RNF146: variants seen among roughly 807,000 people sequenced by gnomAD.
RNF146 encodes the protein ring finger protein 146, also known as E3 ubiquitin-protein ligase RNF146.
In RNF146, 11 loss-of-function variants were observed where a neutral mutation model predicts 29.7. The observed-to-expected ratio is 0.37, with a 90% CI of 0.23 to 0.61. RNF146 has a LOEUF of 0.61. Among genes scored for constraint, RNF146 ranks in the 20% least tolerant of loss-of-function variants. RNF146 has a pLI of 0.66. For missense variants in RNF146, 342 were observed against 438.9 expected (o/e 0.78, Z 1.97); for synonymous variants, 150 against 159.7 (o/e 0.94, Z 0.46).
Position 127,278,677 on chromosome 6 carries a change from A to G in RNF146, c.-108-1554A>G, listed in dbSNP as rs117868030. On this transcript the variant is annotated intron_variant, in intron 1 of 2. Coordinates refer to ENST00000368314, the MANE Select transcript of RNF146 (RefSeq NM_001242850.2). ...TGAGAACCTCTTCAATTCTATTGCT[A>G]TATCCCTGGGAGTGGCATTGCTGTG... is the stretch of plus-strand genomic sequence containing the variant. Among the ~76,000 whole-genome samples, 63 of 152,136 alleles carry G rather than the reference A, an allele frequency of 4.1e-4. No homozygotes were observed. In the East Asian group the frequency reaches 0.011, roughly 27 times the overall value.
intron 1 of RNF146, among the ~76,000 whole-genome samples, chr6:127,278,225 G>A (rs751346942): frequency 6.6e-6 from 1 of 152,034 alleles, no homozygotes; most frequent in Admixed American, 6.6e-5. Flanking sequence ...TAATGACTGA[G>A]ATGGTACAGG....
chr6:127,281,128 G>A (rs927884832), intron 2 of RNF146, among the ~76,000 whole-genome samples: 5 of 151,334 alleles, frequency 3.3e-5, no homozygotes, highest in Admixed American at 1.3e-4. Context: ...TACTCTTCCA[G>A]TATGATACTG....
intron 1 of RNF146, among the ~76,000 whole-genome samples, chr6:127,270,762 G>T (rs996229115): frequency 6.6e-6 from 1 of 151,662 alleles, no homozygotes; most frequent in Non-Finnish European, 1.5e-5. Context: ...AAAAGATGAA[G>T]GCCTTTATGA....
intron 1 of RNF146, among the ~76,000 whole-genome samples, chr6:127,279,054 A>G (rs1301325721): frequency 6.6e-6 from 1 of 151,924 alleles, no homozygotes; most frequent in Non-Finnish European, 1.5e-5. Context: ...TGATTTGCCA[A>G]GATACTCTCC....
At chr6:127,270,576 T>G (rs1468347047) in intron 1 of RNF146, among the ~76,000 whole-genome samples, 4 of 152,188 alleles carry the variant, frequency 2.6e-5, no homozygotes, top group African/African-American at 7.2e-5. Flanking sequence ...TCTGAGGGCT[T>G]CTTCACATGA....
chr6:127,281,583 A>C (rs1778918352), intron 2 of RNF146, among the ~76,000 whole-genome samples: 1 of 151,738 alleles, frequency 6.6e-6, no homozygotes, highest in Admixed American at 6.6e-5. Context: ...CAAGGGAATG[A>C]GGAGGGAAAC....
At position 127,287,310 on chromosome 6, in the gene RNF146, G is replaced by C. The variant is rs1286985798; in HGVS notation, c.697G>C (p.Ala233Pro). ...AGTAGATGGTCAGTTAACAAGCCCTGCAACACCATCCCCTGATGCAAGCAC... is the reference window on the plus strand; with the variant it reads ...AGTAGATGGTCAGTTAACAAGCCCTCCAACACCATCCCCTGATGCAAGCAC... ...TSVDGQLTSP[A>P]TPSPDASTSL... The change falls in exon 3 of 3, where the codon GCA becomes CCA. Residue 233 changes from alanine (A) to proline (P), a missense_variant. Ala to Pro is a conservative substitution (Grantham distance 27). Around this residue, in one of 6 missense-constraint regions of RNF146, gnomAD observed 196 missense variants for 208.9 expected, o/e 0.94. Coordinates refer to ENST00000368314, the MANE Select transcript of RNF146 (RefSeq NM_001242850.2). 1 of 1,613,402 alleles carries C rather than the reference G, an allele frequency of 6.2e-7. No individual in the cohort carries two copies. The highest frequency in any genetic ancestry group is 8.5e-7 in the Non-Finnish European group (1 of 1,179,626).
intron 1 of RNF146, among the ~76,000 whole-genome samples, chr6:127,275,684 C>T (rs1778110473): frequency 6.6e-6 from 1 of 152,012 alleles, no homozygotes; most frequent in African/African-American, 2.4e-5. Flanking sequence ...AGTTAACTTT[C>T]TGGAGGTAGT....
chr6:127,286,031 T>C lies in RNF146; in HGVS notation c.3-585T>C. ...AGATACATCCAATTTGACAAATCTT[T>C]TTTCTTCTTCCTCTTCAGGGGATCT... On this transcript the variant is annotated intron_variant, in intron 2 of 2. Transcript: ENST00000368314. This position sits in a 1 kb window ranked among gnomAD's most constrained non-coding sequence, Gnocchi z 4.6. 1 of 1,227,284 alleles carries C rather than the reference T, an allele frequency of 8.1e-7. No homozygotes were observed. Among genetic ancestry groups the C allele is most frequent in the Non-Finnish European group, 1.0e-6 (1 of 984,622 alleles). The allele number at this position is 1,227,284 out of a possible 1,614,324, so 76.0% of individuals were successfully genotyped here.
At chr6:127,272,174 GGTAT>G in intron 1 of RNF146, among the ~76,000 whole-genome samples, 1 of 152,134 alleles carries the variant, frequency 6.6e-6, no homozygotes, top group Non-Finnish European at 1.5e-5. Flanking sequence ...TTGTGAAATA[GGTAT>G]AGTCATATTT....
intron 1 of RNF146, among the ~76,000 whole-genome samples, chr6:127,272,869 G>A (rs1777691623): frequency 6.6e-6 from 1 of 152,102 alleles, no homozygotes; most frequent in South Asian, 2.1e-4. Flanking sequence ...TTTGTTATAT[G>A]CATTACATAC....
At chr6:127,267,480 G>C (rs1404740123) in intron 1 of RNF146, among the ~76,000 whole-genome samples, 1 of 152,200 alleles carries the variant, frequency 6.6e-6, no homozygotes, top group African/African-American at 2.4e-5. Context: ...ATGTTTTCCC[G>C]TGTGGGGTCA....
chr6:127,277,167 G>A (rs1236167225), intron 1 of RNF146, among the ~76,000 whole-genome samples: 1 of 151,918 alleles, frequency 6.6e-6, no homozygotes, highest in Non-Finnish European at 1.5e-5. Context: ...GGGATTATGG[G>A]GTATGTTAAA....
At chr6:127,268,253 T>C (rs1012452671) in intron 1 of RNF146, among the ~76,000 whole-genome samples, 1 of 152,176 alleles carries the variant, frequency 6.6e-6, no homozygotes, top group Admixed American at 6.5e-5. Flanking sequence ...ACGTATAATA[T>C]TGGCATTCAA....
intron 2 of RNF146, among the ~76,000 whole-genome samples, chr6:127,285,689 T>A (rs891472686): frequency 5.3e-5 from 8 of 151,914 alleles, no homozygotes; most frequent in African/African-American, 1.9e-4. Context: ...GTGTCTTGCA[T>A]GTGCTTCTGC....
In RNF146 at chr6:127,287,662, C is replaced by T; in HGVS notation, c.1049C>T (p.Pro350Leu). Residue 350 changes from proline (P) to leucine (L), a missense_variant, in exon 3 of 3, where the codon CCT becomes CTT. This residue lies in a region of RNF146 where 196 missense variants were observed against 208.9 expected (regional missense o/e 0.94). Coordinates refer to ENST00000368314, the MANE Select transcript of RNF146 (RefSeq NM_001242850.2). ...AGTGTCAGTGTCAGATCTAGAAGGC[C>T]TGATGGACAGTGCACAGTAACTGAA... ...TVSVSVRSRRPDGQCTVTEV is the reference protein window; with the variant it reads ...TVSVSVRSRRLDGQCTVTEV 1.2e-6 allele frequency: 2 copies of T among 1,603,228 alleles called. No individual in the cohort carries two copies. The highest frequency in any genetic ancestry group is 1.7e-5 in the Admixed American group (1 of 58,894).
At chr6:127,268,712 T>G (rs1439778416) in intron 1 of RNF146, among the ~76,000 whole-genome samples, 1 of 152,180 alleles carries the variant, frequency 6.6e-6, no homozygotes, top group Non-Finnish European at 1.5e-5. Flanking sequence ...ATTATAATTA[T>G]CAGGAAAACT....
chr6:127,276,200 C>T (rs1320188090), intron 1 of RNF146, among the ~76,000 whole-genome samples: 1 of 151,740 alleles, frequency 6.6e-6, no homozygotes, highest in East Asian at 1.9e-4. Context: ...GAATCTCACT[C>T]AAAGGCTTAA....
At chr6:127,281,588 G>A (rs991122194) in intron 2 of RNF146, among the ~76,000 whole-genome samples, 1 of 151,698 alleles carries the variant, frequency 6.6e-6, no homozygotes, top group Non-Finnish European at 1.5e-5. Context: ...GAATGAGGAG[G>A]GAAACAGCTG....
Sources: allele counts gnomAD v4.1 joint callset (sites outside exome capture counted in the v4.1 genomes callset), GRCh38; gene constraint gnomAD v4.1.1; regional missense constraint gnomAD v4.1.1; non-coding constraint Gnocchi (gnomAD v3.1); transcripts MANE v1.5; gene names NCBI Gene and HGNC (gene_info 2026-07-23, HGNC 2026-07-21).